Variants in ATP6V0A2 observed in about 807,000 individuals in gnomAD.
ATP6V0A2 encodes ATPase H+ transporting V0 subunit a2, also known as V-type proton ATPase 116 kDa subunit a 2.
A neutral mutation model predicts 104.4 loss-of-function variants in ATP6V0A2; 58 were observed. The observed-to-expected ratio is 0.56, with a 90% CI of 0.45 to 0.69. The LOEUF (loss-of-function observed/expected upper bound fraction) is 0.69, where lower values mean the gene tolerates loss of function less well. ATP6V0A2 is among the 30% of genes least tolerant of loss of function. The pLI is 0.00. For missense variants in ATP6V0A2, 938 were observed against 1,062.9 expected (o/e 0.88, Z 1.63); for synonymous variants, 376 against 397.9 (o/e 0.95, Z 0.65).
At chr12:123,747,071 A>G (rs1956669835) in intron 13 of ATP6V0A2, among the ~76,000 whole-genome samples, 1 of 152,200 alleles carries the variant, frequency 6.6e-6, no homozygotes, top group Admixed American at 6.5e-5. Context: ...TGGCCGGGGC[A>G]CCGTGGGGAG....
chr12:123,733,807 AG>A (rs1316666869), intron 6 of ATP6V0A2, 118 bp from the exon 7 acceptor site: 46 of 779,300 alleles, frequency 5.9e-5, no homozygotes, highest in Admixed American at 5.2e-4. Context: ...TCCTCAAATA[AG>A]GAGTATTGAC....
chr12:123,718,496 A>G (rs937226785), intron 1 of ATP6V0A2, 127 bp from the exon 2 acceptor site: 27 of 657,422 alleles, frequency 4.1e-5, no homozygotes, highest in Non-Finnish European at 6.7e-5. Context: ...AAGTTGTGTC[A>G]GTTTATAGTT....
intron 6 of ATP6V0A2, chr12:123,733,661 G>A (rs190952161): frequency 1.0e-4 from 48 of 478,742 alleles, no homozygotes; most frequent in African/African-American, 5.5e-4. Context: ...AAGGGAGAGC[G>A]TCACCTTGTT....
At chr12:123,752,158 C>A in intron 16 of ATP6V0A2, 125 bp from the exon 17 acceptor site, 1 of 1,308,190 alleles carries the variant, frequency 7.6e-7, no homozygotes, top group Non-Finnish European at 1.1e-6. Context: ...CTGTGCCTAG[C>A]CTAAAGAACT....
At chr12:123,717,414 A>G (rs887574186) in intron 1 of ATP6V0A2, among the ~76,000 whole-genome samples, 1 of 148,668 alleles carries the variant, frequency 6.7e-6, no homozygotes, top group Admixed American at 6.7e-5. Context: ...TTGTGTGGAT[A>G]TAGACTGTAA....
intron 9 of ATP6V0A2, 39 bp downstream of exon 9, chr12:123,737,310 G>A (rs764774378): frequency 6.3e-7 from 1 of 1,585,118 alleles, no homozygotes; most frequent in East Asian, 2.2e-5. Context: ...GAACAGAAGA[G>A]AGACTGATGG....
rs567186732 is a variant in ATP6V0A2 at position 123,725,646 on chromosome 12, C to T, written c.433-551C>T. ...TACAAAAAATAAAAAATTAGCTGAG[C>T]GTGGTGGTGCATACTTGTAGTCCCA... On this transcript the variant is annotated intron_variant, in intron 4 of 19. Coordinates refer to ENST00000330342, the MANE Select transcript of ATP6V0A2 (RefSeq NM_012463.4). 7.9e-5 allele frequency among the ~76,000 whole-genome samples: 12 copies of T among 151,932 alleles called. No homozygotes were observed. In the East Asian group the frequency reaches 9.7e-4, roughly 12 times the overall value.
At chr12:123,718,482 A>T (rs1956365955) in intron 1 of ATP6V0A2, 141 bp from the exon 2 acceptor site, 1 of 627,018 alleles carries the variant, frequency 1.6e-6, no homozygotes, top group Non-Finnish European at 2.7e-6. Flanking sequence ...ATTGCTCTCA[A>T]GAAAAGTTGT....
rs1008992330 is a variant in ATP6V0A2, at chr12:123,744,454, G to A, written c.1326+117G>A. On this transcript the variant is annotated intron_variant, in intron 11 of 19. Transcript: ENST00000330342. The surrounding 1 kb of genome is among the most constrained non-coding windows in gnomAD (Gnocchi z 5.4). ...TGCGGCTGTGCTGGGCAGGTGTGTGGCCTGTCAGCTGCGGCTGACAGGGAT... is the reference window on the plus strand; with the variant it reads ...TGCGGCTGTGCTGGGCAGGTGTGTGACCTGTCAGCTGCGGCTGACAGGGAT... The A allele has an allele frequency of 6.4e-7, 1 of 1,556,634 alleles. No individual in the cohort carries two copies. The highest frequency in any genetic ancestry group is 1.4e-5 in the African/African-American group (1 of 73,818).
chr12:123,743,491 T>G (rs1399812960), intron 9 of ATP6V0A2, among the ~76,000 whole-genome samples: 2 of 152,024 alleles, frequency 1.3e-5, no homozygotes, highest in African/African-American at 4.8e-5. Flanking sequence ...CCGTCTCTAC[T>G]AAAAATACAA....
chr12:123,743,284 C>T (rs1593909416), intron 9 of ATP6V0A2, among the ~76,000 whole-genome samples: 1 of 152,182 alleles, frequency 6.6e-6, no homozygotes, highest in East Asian at 1.9e-4. Context: ...ACTTTTCCTC[C>T]AGGCCCTCTG....
rs1357617602 is a variant in ATP6V0A2 at position 123,752,321 on chromosome 12, A to G, written c.2094A>G (p.Glu698=). 6.2e-7 allele frequency: 1 copy of G among 1,614,206 alleles called. No individual in the cohort carries two copies. The highest frequency in any genetic ancestry group is 8.5e-7 in the Non-Finnish European group (1 of 1,180,020). Residue 698 remains glutamate, a synonymous_variant, in exon 17 of 20, where the codon GAA becomes GAG. Transcript: ENST00000330342. ...YTLIRKDSEE[E]VSLLGSQDIE... Reference sequence around the variant, plus strand: ...TTATAAGGAAAGATAGTGAGGAAGAAGTTTCATTGCTGGGAAGCCAAGATA... The same window carrying G: ...TTATAAGGAAAGATAGTGAGGAAGAGGTTTCATTGCTGGGAAGCCAAGATA...
In ATP6V0A2 at chr12:123,737,125, C is replaced by T. The variant is rs1217674662; in HGVS notation, c.892C>T (p.Arg298Cys). The T allele has an allele frequency of 3.7e-6, 6 of 1,614,078 alleles. No individual in the cohort carries two copies. Among genetic ancestry groups the T allele is most frequent in the African/African-American group, 1.3e-5 (1 of 74,906 alleles). ...TAAAGCCGCCGAGTCTGTCTACAGC[C>T]GTGTGATCCAGGTGAAGAAAATGAA... is the stretch of plus-strand genomic sequence containing the variant. ...LCKAAESVYS[R>C]VIQVKKMKAI... Residue 298 changes from arginine (R) to cysteine (C), a missense_variant, in exon 9 of 20, where the codon CGT becomes TGT. Transcript: ENST00000330342.
chr12:123,739,681 G>T (rs1052822738), intron 9 of ATP6V0A2, among the ~76,000 whole-genome samples: 1 of 152,182 alleles, frequency 6.6e-6, no homozygotes, highest in Non-Finnish European at 1.5e-5. Context: ...AGAGAGGCTT[G>T]CAAGAATCAT....
chr12:123,735,159 G>GTGTGTC (rs779056105), intron 7 of ATP6V0A2, among the ~76,000 whole-genome samples: 2 of 146,950 alleles, frequency 1.4e-5, no homozygotes, highest in South Asian at 4.4e-4. Flanking sequence ...GTGTGTGTGT[G>GTGTGTC]TGTGTGTCTG....
chr12:123,714,752 C>A (rs1238556687), intron 1 of ATP6V0A2, among the ~76,000 whole-genome samples: 3 of 151,810 alleles, frequency 2.0e-5, no homozygotes, highest in Admixed American at 1.3e-4. Flanking sequence ...GGAAAAAAAA[C>A]CCAAAATTTA....
chr12:123,730,124 G>A (rs7956045), intron 6 of ATP6V0A2, among the ~76,000 whole-genome samples: 94,339 of 142,454 alleles, frequency 0.66, 31,231 homozygotes, highest in East Asian at 0.94. Flanking sequence ...GCGCGATCTC[G>A]GCTCACTGCA....
Position 123,712,532 on chromosome 12 carries a change from C to T in ATP6V0A2, c.-34C>T, listed in dbSNP as rs1212683644. 6.6e-7 allele frequency: 1 copy of T among 1,509,700 alleles called. No homozygotes were observed. 93.5% of individuals were successfully genotyped at this position (1,509,700 alleles called of 1,614,324 possible). ...CCGCGCGGCTCGGAGCCGCCGCCGC[C>T]CATCGAGCCCCTCCGGGCGCGGGTC... On this transcript the variant is annotated 5_prime_UTR_variant, in exon 1 of 20. Transcript: ENST00000330342.
intron 9 of ATP6V0A2, among the ~76,000 whole-genome samples, chr12:123,738,090 G>A (rs1179861573): frequency 6.6e-6 from 1 of 152,212 alleles, no homozygotes; most frequent in Non-Finnish European, 1.5e-5. Flanking sequence ...TGTGAGTGAA[G>A]GGGAATACCT....
Sources: gnomAD v4.1 joint callset for allele counts (sites outside exome capture counted in the v4.1 genomes callset) on GRCh38, gnomAD v4.1.1 for gene constraint, Gnocchi (gnomAD v3.1) non-coding constraint, MANE v1.5 for transcripts, NCBI Gene and HGNC (gene_info 2026-07-23, HGNC 2026-07-21) for gene names.